SLC25A29: variants seen among roughly 807,000 people sequenced by gnomAD.
The protein encoded by SLC25A29 is mitochondrial basic amino acids transporter.
A neutral mutation model predicts 10.0 loss-of-function variants in SLC25A29; 13 were observed. The observed-to-expected ratio is 1.30, with a 90% CI of 0.85 to 2.07. SLC25A29 has a LOEUF of 2.07. Among genes scored for constraint, SLC25A29 ranks in the 30% most tolerant of loss-of-function variants. The pLI, the probability that SLC25A29 is intolerant of heterozygous loss-of-function variation, is 0.00. For missense variants in SLC25A29, 475 were observed against 447.6 expected, an observed-to-expected ratio of 1.06 and a Z score of -0.55; for synonymous variants, 244 against 221.1, an observed-to-expected ratio of 1.10 and a Z score of -0.92.
the SLC25A29 span, among the ~76,000 whole-genome samples, chr14:100,286,055 C>T: frequency 1.3e-5 from 2 of 152,192 alleles, no homozygotes; most frequent in Non-Finnish European, 2.9e-5. Flanking sequence ...CCGGCCGCCC[C>T]AGCCCCTCTC....
the SLC25A29 span, chr14:100,279,935 C>T: frequency 6.6e-6 from 1 of 152,346 alleles, no homozygotes; most frequent in African/African-American, 2.4e-5. Context: ...TCCTCTGTGC[C>T]TTGATCCCTT....
the SLC25A29 span, chr14:100,280,112 T>C: frequency 6.6e-6 from 1 of 152,230 alleles, no homozygotes; most frequent in Admixed American, 6.5e-5. Flanking sequence ...GCACTGACTT[T>C]GCAACAATAG....
At chr14:100,283,224 T>G in the SLC25A29 span, among the ~76,000 whole-genome samples, 1 of 152,226 alleles carries the variant, frequency 6.6e-6, no homozygotes, top group Non-Finnish European at 1.5e-5. Context: ...TTCCTCCCTC[T>G]GGTTGGGGCC....
At chr14:100,296,069 C>T (rs1304296870) in intron 2 of SLC25A29, 31 of 1,247,020 alleles carry the variant, frequency 2.5e-5, no homozygotes, top group African/African-American at 3.1e-5. Context: ...GACACAGACT[C>T]GGGTGGCCCC....
the SLC25A29 span, chr14:100,280,892 G>C: frequency 6.6e-6 from 1 of 151,964 alleles, no homozygotes; most frequent in Non-Finnish European, 1.5e-5. Flanking sequence ...ACCAGAGTTT[G>C]TGGCACAGGA....
Position 100,292,489 on chromosome 14 carries a change from G to T in SLC25A29, c.706C>A (p.His236Asn). 6.3e-7 allele frequency: 1 copy of T among 1,586,912 alleles called. No homozygotes were observed. Residue 236 changes from histidine to asparagine, a missense_variant, in exon 4 of 4, where the codon CAC becomes AAC. Coordinates refer to ENST00000359232, the MANE Select transcript of SLC25A29 (RefSeq NM_001039355.3). ...CAGCCCTCGGCGCGGTAGCTCTGGT[G>T]CACGCAGTCCAGGATGCCGCGGTAG... ...PRYRGILDCV[H>N]QSYRAEGWRV...
chr14:100,298,942 G>C, intron 1 of SLC25A29, 57 bp from the exon 2 acceptor site: 1 of 1,601,546 alleles, frequency 6.2e-7, no homozygotes. Flanking sequence ...AGTGCAGGGT[G>C]CTGGGCAGGA....
chr14:100,303,819 G>A (rs1892725547), intron 1 of SLC25A29, among the ~76,000 whole-genome samples: 1 of 152,166 alleles, frequency 6.6e-6, no homozygotes, highest in African/African-American at 2.4e-5. Context: ...CTGTCCTGGG[G>A]ATGGCTGGTA....
downstream of SLC25A29, among the ~76,000 whole-genome samples, chr14:100,287,147 C>T (rs774613436): frequency 6.6e-6 from 1 of 152,258 alleles, no homozygotes; most frequent in African/African-American, 2.4e-5. Flanking sequence ...ACTAAAGGCC[C>T]AGGCCAATGA....
At chr14:100,288,522 C>G (rs996958619), downstream of SLC25A29, among the ~76,000 whole-genome samples, 1 of 151,926 alleles carries the variant, frequency 6.6e-6, no homozygotes, top group African/African-American at 2.4e-5. Flanking sequence ...TGCCATGTGA[C>G]CCGCCCTGGT....
At chr14:100,293,200 C>A (rs1017679599) in intron 3 of SLC25A29, 94 bp downstream of exon 3, 1 of 1,509,666 alleles carries the variant, frequency 6.6e-7, no homozygotes, top group East Asian at 2.4e-5. Flanking sequence ...GTCCTGACAC[C>A]TTCCTTCCTG....
intron 2 of SLC25A29, chr14:100,298,372 G>GT (rs1269128888): frequency 5.6e-6 from 1 of 178,304 alleles, no homozygotes; most frequent in Non-Finnish European, 1.2e-5. Context: ...GGTGTGGGGT[G>GT]TTATCAAGGA....
At chr14:100,286,897 C>T (rs1204196766), downstream of SLC25A29, among the ~76,000 whole-genome samples, 1 of 152,184 alleles carries the variant, frequency 6.6e-6, no homozygotes, top group African/African-American at 2.4e-5. Flanking sequence ...TGGCTCCTGG[C>T]GCTGGCTTCA....
At position 100,292,080 on chromosome 14, in the gene SLC25A29, G is replaced by A; in HGVS notation, c.*203C>T. 3 of 638,820 alleles carry A rather than the reference G, an allele frequency of 4.7e-6. No homozygotes were observed. Among genetic ancestry groups the A allele is most frequent in the Non-Finnish European group, 8.2e-6 (3 of 365,314 alleles). 39.6% of individuals were successfully genotyped at this position (638,820 alleles called of 1,614,324 possible). On this transcript the variant is annotated 3_prime_UTR_variant, in exon 4 of 4. Transcript: ENST00000359232. ...TCGTGACTCTACAGTGTGGGCATGA[G>A]GGTCCTTATTTCATAGATGAGAACA... is the stretch of plus-strand genomic sequence containing the variant.
chr14:100,292,222 G>C lies in SLC25A29; in HGVS notation c.*61C>G, dbSNP rs1018431936. The C allele has an allele frequency of 6.6e-7, 1 of 1,522,472 alleles. No individual in the cohort carries two copies. The highest frequency in any genetic ancestry group is 1.2e-5 in the South Asian group (1 of 83,370). 94.3% of individuals were successfully genotyped at this position (1,522,472 alleles called of 1,614,324 possible). The stretch of plus-strand genomic sequence containing the variant: ...GCAGGAAGCAGGGCAATCGACTCAG[G>C]GGCCAATTTATGTCCCAGGTTTCTG... On this transcript the variant is annotated 3_prime_UTR_variant, in exon 4 of 4. Transcript: ENST00000359232.
At chr14:100,297,232 C>T (rs974626237) in intron 2 of SLC25A29, among the ~76,000 whole-genome samples, 1 of 152,218 alleles carries the variant, frequency 6.6e-6, no homozygotes, top group South Asian at 2.1e-4. Context: ...CAAAGACCAC[C>T]CTCCAGACGC....
chr14:100,285,599 G>A, the SLC25A29 span, among the ~76,000 whole-genome samples: 2 of 152,104 alleles, frequency 1.3e-5, no homozygotes, highest in African/African-American at 4.8e-5. Context: ...TCCCCCGCGC[G>A]GAGTGAGCCC....
intron 2 of SLC25A29, 29 bp downstream of exon 2, chr14:100,298,813 G>A (rs774916122): frequency 1.2e-5 from 19 of 1,613,952 alleles, no homozygotes; most frequent in East Asian, 2.2e-5. Context: ...TGTACGCGCC[G>A]AGGAAAAAAA....
chr14:100,283,145 C>T, the SLC25A29 span, among the ~76,000 whole-genome samples: 1 of 152,324 alleles, frequency 6.6e-6, no homozygotes, highest in South Asian at 2.1e-4. Flanking sequence ...GGGATGGACT[C>T]GGAAGAACTT....
Sources: gnomAD v4.1 joint callset for allele counts (sites outside exome capture counted in the v4.1 genomes callset) on GRCh38, gnomAD v4.1.1 for gene constraint, MANE v1.5 for transcripts, NCBI Gene and HGNC (gene_info 2026-07-23, HGNC 2026-07-21) for gene names.